The following WDFY3 variants were observed in gnomAD, a reference collection of about 807,000 sequenced individuals.
WDFY3 encodes the protein WD repeat and FYVE domain containing 3.
WDFY3 carries 66 observed loss-of-function variants against 409.6 expected under a neutral mutation model. The ratio of observed to expected loss-of-function variants is 0.16; its 90% confidence interval spans 0.13 to 0.20. WDFY3 has a LOEUF of 0.20. Among genes scored for constraint, WDFY3 ranks in the 10% least tolerant of loss-of-function variants. The pLI, the probability that WDFY3 is intolerant of heterozygous loss-of-function variation, is 1.00. For missense variants in WDFY3, 3,031 were observed against 4,298.1 expected, an observed-to-expected ratio of 0.71 and a Z score of 8.24; for synonymous variants, 1,521 against 1,537.1, an observed-to-expected ratio of 0.99 and a Z score of 0.25.
intron 3 of WDFY3, among the ~76,000 whole-genome samples, chr4:84,882,415 C>T (rs1325661740): frequency 6.6e-6 from 1 of 152,150 alleles, no homozygotes; most frequent in Non-Finnish European, 1.5e-5. Flanking sequence ...AGATGCTTAA[C>T]GAATAGACGG....
chr4:84,916,318 C>T (rs1219525848), intron 2 of WDFY3, among the ~76,000 whole-genome samples: 1 of 152,106 alleles, frequency 6.6e-6, no homozygotes, highest in Non-Finnish European at 1.5e-5. Flanking sequence ...TCCTCTCTAT[C>T]CTCTTCTTGC....
chr4:84,703,556 C>A (rs1399772092), intron 55 of WDFY3, among the ~76,000 whole-genome samples: 3 of 152,204 alleles, frequency 2.0e-5, no homozygotes, highest in Non-Finnish European at 4.4e-5. Flanking sequence ...CTATTCTGGA[C>A]ACACTGGCCC....
chr4:84,824,724 A>C (rs1754602282), intron 10 of WDFY3, among the ~76,000 whole-genome samples: 1 of 152,174 alleles, frequency 6.6e-6, no homozygotes. Flanking sequence ...CACTCAATTG[A>C]GTAGATTTAA....
intron 21 of WDFY3, among the ~76,000 whole-genome samples, chr4:84,791,053 T>C (rs1047874263): frequency 1.3e-5 from 2 of 152,110 alleles, no homozygotes; most frequent in Admixed American, 1.3e-4. Context: ...AGTACAGACG[T>C]TTCTCAAAAC....
chr4:84,844,480 C>A lies in WDFY3; in HGVS notation c.305-3217G>T. The A allele has an allele frequency of 2.3e-6, 3 of 1,289,488 alleles. 1 individual carries two copies. The South Asian group carries it at 3.7e-5, about 16-fold the overall frequency. 79.9% of individuals were successfully genotyped at this position (1,289,488 alleles called of 1,614,324 possible). On this transcript the variant is annotated intron_variant, in intron 5 of 67. Transcript: ENST00000295888. ...CCTGAAGGTGTTGTGGCTTTGAAAT[C>A]CTTGGGGGACAGCAGGGCACACTGT...
At chr4:84,763,810 C>T (rs1442616162) in intron 32 of WDFY3, among the ~76,000 whole-genome samples, 2 of 152,032 alleles carry the variant, frequency 1.3e-5, no homozygotes, top group African/African-American at 4.8e-5. Context: ...ATGCAAGTAC[C>T]AATGAAGGAC....
At chr4:84,763,096 CATT>C (rs1445973477) in intron 32 of WDFY3, among the ~76,000 whole-genome samples, 1 of 152,062 alleles carries the variant, frequency 6.6e-6, no homozygotes, top group Non-Finnish European at 1.5e-5. Context: ...TCTCCTCTCA[CATT>C]ATTTTCCCCT....
At chr4:84,866,993 T>G (rs1167187469) in intron 3 of WDFY3, among the ~76,000 whole-genome samples, 1 of 152,170 alleles carries the variant, frequency 6.6e-6, no homozygotes, top group Admixed American at 6.5e-5. Context: ...CAAACCTTTA[T>G]AAACACACCC....
chr4:84,784,870 A>G (rs1273869221), intron 24 of WDFY3, among the ~76,000 whole-genome samples: 3 of 65,076 alleles, frequency 4.6e-5, no homozygotes, highest in Non-Finnish European at 9.6e-5. Flanking sequence ...ATATATATAT[A>G]TATATATATA....
intron 13 of WDFY3, 121 bp downstream of exon 13, chr4:84,817,271 G>T: frequency 8.1e-7 from 1 of 1,236,280 alleles, no homozygotes; most frequent in Non-Finnish European, 1.1e-6. Flanking sequence ...ACAAAGTTGT[G>T]AGGTTTCTTG....
chr4:84,782,192 A>G (rs1746647024), intron 25 of WDFY3, among the ~76,000 whole-genome samples: 1 of 152,202 alleles, frequency 6.6e-6, no homozygotes, highest in African/African-American at 2.4e-5. Flanking sequence ...AGAAGCTCTA[A>G]TTTCTAGCTC....
chr4:84,931,789 A>G (rs1229422987), intron 2 of WDFY3, among the ~76,000 whole-genome samples: 2 of 152,192 alleles, frequency 1.3e-5, no homozygotes, highest in African/African-American at 4.8e-5. Flanking sequence ...TTTAATAACA[A>G]CAAAGTAAAG....
chr4:84,778,959 A>G (rs1378606737), intron 26 of WDFY3, among the ~76,000 whole-genome samples: 1 of 152,228 alleles, frequency 6.6e-6, no homozygotes, highest in African/African-American at 2.4e-5. Context: ...ACGCGTGCAT[A>G]AAATTGTATG....
intron 1 of WDFY3, among the ~76,000 whole-genome samples, chr4:84,943,273 G>A (rs765615777): frequency 1.1e-4 from 16 of 152,032 alleles, no homozygotes; most frequent in Non-Finnish European, 1.6e-4. Context: ...AGGCCGAGGC[G>A]GGCGGATCAC....
chr4:84,929,115 G>A (rs779182846), intron 2 of WDFY3, among the ~76,000 whole-genome samples: 1 of 152,172 alleles, frequency 6.6e-6, no homozygotes, highest in East Asian at 1.9e-4. Flanking sequence ...ACTAATGGAA[G>A]TTGATGCCAT....
intron 61 of WDFY3, among the ~76,000 whole-genome samples, chr4:84,689,264 A>ATG (rs1394817293): frequency 2.6e-5 from 4 of 152,156 alleles, no homozygotes; most frequent in South Asian, 2.1e-4. Context: ...AAGTATATAT[A>ATG]TGTGTGTGTG....
intron 1 of WDFY3, among the ~76,000 whole-genome samples, chr4:84,950,945 C>T (rs1376548281): frequency 1.3e-5 from 2 of 152,174 alleles, no homozygotes; most frequent in East Asian, 3.9e-4. Flanking sequence ...TAGGGAGGGC[C>T]TTACCCTAAG....
intron 3 of WDFY3, among the ~76,000 whole-genome samples, chr4:84,868,700 A>G (rs531996005): frequency 1.6e-4 from 25 of 152,294 alleles, no homozygotes; most frequent in Non-Finnish European, 3.5e-4. Flanking sequence ...TACAACAGCA[A>G]CTGTTGAAAT....
chr4:84,841,992 C>T (rs1028063454), intron 5 of WDFY3, among the ~76,000 whole-genome samples: 13 of 151,956 alleles, frequency 8.6e-5, no homozygotes, highest in South Asian at 4.1e-4. Context: ...AAGAGAGAAA[C>T]GTGAAATACA....
Sources: allele counts gnomAD v4.1 joint callset (sites outside exome capture counted in the v4.1 genomes callset), GRCh38; gene constraint gnomAD v4.1.1; transcripts MANE v1.5; gene names NCBI Gene and HGNC (gene_info 2026-07-23, HGNC 2026-07-21).